The following TTLL5 variants were observed in gnomAD, a reference collection of about 807,000 sequenced individuals.
TTLL5 encodes the protein tubulin polyglutamylase TTLL5.
A neutral mutation model predicts 168.4 loss-of-function variants in TTLL5; 132 were observed. That is an observed-to-expected ratio of 0.78 (90% CI 0.68 to 0.91). TTLL5 has a LOEUF of 0.91. TTLL5 is among the 40% of genes least tolerant of loss of function. The pLI is 0.00. For synonymous variants in TTLL5, 546 were observed against 558.6 expected, an observed-to-expected ratio of 0.98 and a Z score of 0.32; for missense variants, 1,545 against 1,581.5, an observed-to-expected ratio of 0.98 and a Z score of 0.39.
intron 18 of TTLL5, among the ~76,000 whole-genome samples, chr14:75,754,966 TA>T (rs1002109038): frequency 6.6e-6 from 1 of 151,718 alleles, no homozygotes; most frequent in Non-Finnish European, 1.5e-5. Flanking sequence ...AAACTTTGAT[TA>T]AAAAAAACAT....
At chr14:75,695,739 A>G (rs1202179263) in intron 6 of TTLL5, among the ~76,000 whole-genome samples, 1 of 151,998 alleles carries the variant, frequency 6.6e-6, no homozygotes, top group South Asian at 2.1e-4. Context: ...AACTTCTGAT[A>G]AGCCTAGTTC....
At chr14:75,785,475 G>A (rs963128395) in intron 26 of TTLL5, among the ~76,000 whole-genome samples, 12 of 152,040 alleles carry the variant, frequency 7.9e-5, no homozygotes, top group Non-Finnish European at 1.5e-5. Context: ...CACTGCGCCC[G>A]GCCCCTCCTA....
At chr14:75,826,030 A>G (rs150995577) in intron 28 of TTLL5, among the ~76,000 whole-genome samples, 196 of 151,906 alleles carry the variant, frequency 1.3e-3, no homozygotes, top group African/African-American at 4.6e-3. Flanking sequence ...TAATAAAGGA[A>G]CGTTGGGAAG....
At chr14:75,899,259 A>G (rs1276473034) in intron 30 of TTLL5, among the ~76,000 whole-genome samples, 3 of 152,168 alleles carry the variant, frequency 2.0e-5, no homozygotes, top group African/African-American at 2.4e-5. Flanking sequence ...ACACATACAT[A>G]CCTCCCAACG....
chr14:75,709,471 A>G, intron 9 of TTLL5: 2 of 396,884 alleles, frequency 5.0e-6, no homozygotes, highest in East Asian at 8.6e-5. Flanking sequence ...AGCCCTGGGA[A>G]CATTGGAGAC....
intron 12 of TTLL5, among the ~76,000 whole-genome samples, chr14:75,731,370 T>TACACACACACACAC (rs1217242558): frequency 1.3e-4 from 10 of 78,572 alleles, no homozygotes; most frequent in African/African-American, 4.8e-4. Flanking sequence ...AATATACACA[T>TACACACACACACAC]ACATACACAC....
In TTLL5 at chr14:75,679,070, T is replaced by C. The variant is rs79498335; in HGVS notation, c.182-2475T>C. Among the ~76,000 whole-genome samples the C allele has an allele frequency of 3.5e-3, 538 of 152,348 alleles. 4 individuals are homozygous for C. Among genetic ancestry groups the C allele is most frequent in the Non-Finnish European group, 5.8e-3 (394 of 68,026 alleles). ...TTCTCTTGTGTGGTAGGCAGAATAATGGTCCCTTAAAGATGTCTACCTTCT... is the reference window on the plus strand; with the variant it reads ...TTCTCTTGTGTGGTAGGCAGAATAACGGTCCCTTAAAGATGTCTACCTTCT... On this transcript the variant is annotated intron_variant, in intron 3 of 31. Transcript: ENST00000298832.
chr14:75,663,024 C>G, intron 1 of TTLL5, 31 bp from the exon 2 acceptor site: 1 of 777,516 alleles, frequency 1.3e-6, no homozygotes, highest in Non-Finnish European at 2.3e-6. Flanking sequence ...TGTTTCAGGT[C>G]AATTGATCCA....
rs536761960 is a variant in TTLL5 at position 75,672,632 on chromosome 14, G to A, written c.181+3110G>A. On this transcript the variant is annotated intron_variant, in intron 3 of 31. Coordinates refer to ENST00000298832, the MANE Select transcript of TTLL5 (RefSeq NM_015072.5). ...TCTTCTGATGCCTTTGTCTGGCTTT[G>A]GTATCAGGGTAATGCTGGCCTCATA... 3.0e-4 allele frequency among the ~76,000 whole-genome samples: 46 copies of A among 152,258 alleles called. 1 individual carries two copies. In the East Asian group the frequency reaches 8.7e-3, roughly 29 times the overall value.
chr14:75,678,069 T>G (rs907277910), intron 3 of TTLL5, among the ~76,000 whole-genome samples: 19 of 152,352 alleles, frequency 1.2e-4, no homozygotes, highest in Admixed American at 2.6e-4. Context: ...GGTTCAGTCC[T>G]TATTTCTAGC....
chr14:75,705,183 A>G lies in TTLL5; in HGVS notation c.586-1835A>G, dbSNP rs371361762. 1.6e-3 allele frequency among the ~76,000 whole-genome samples: 251 copies of G among 152,362 alleles called. 2 individuals are homozygous for G. Among genetic ancestry groups the G allele is most frequent in the African/African-American group, 5.7e-3 (238 of 41,592 alleles). ...GGAAATGGTATGGATGATGAAGTTC[A>G]TTAGGGATGAATCAGTAATGATGTC... On this transcript the variant is annotated intron_variant, in intron 7 of 31. Coordinates refer to ENST00000298832, the MANE Select transcript of TTLL5 (RefSeq NM_015072.5).
chr14:75,681,596 G>A lies in TTLL5; in HGVS notation c.233G>A (p.Arg78His), dbSNP rs750217504. ...GTACGAACGGACAGTCGCCTAGTAC[G>A]CAGCATTCTGACAGCCCATGGATTT... ...KIVRTDSRLVRSILTAHGFHE... is the reference protein window; with the variant it reads ...KIVRTDSRLVHSILTAHGFHE... The change falls in exon 4 of 32, where the codon CGC (arginine) becomes CAC (histidine). Residue 78 changes from arginine (R) to histidine (H), a missense_variant. By Grantham distance (29) the Arg-to-His change is conservative. Transcript: ENST00000298832. 2.4e-5 allele frequency: 38 copies of A among 1,613,192 alleles called. No homozygotes were observed. Among genetic ancestry groups the A allele is most frequent in the African/African-American group, 1.7e-4 (13 of 74,878 alleles).
chr14:75,719,851 T>C, intron 11 of TTLL5, 25 bp downstream of exon 11: 1 of 1,600,652 alleles, frequency 6.2e-7, no homozygotes. Flanking sequence ...TTTTTCCTTC[T>C]TGACTTCTCT....
intron 28 of TTLL5, among the ~76,000 whole-genome samples, chr14:75,853,224 C>T (rs1361945800): frequency 6.6e-6 from 1 of 152,242 alleles, no homozygotes; most frequent in East Asian, 1.9e-4. Flanking sequence ...TTTCTCACTT[C>T]TTCAGACCTT....
rs151284904 is a variant in TTLL5, at chr14:75,782,556, A to G, written c.2585A>G (p.His862Arg). The change falls in exon 25 of 32, where the codon CAT becomes CGT. Residue 862 changes from histidine to arginine, a missense_variant. Physicochemically the swap from His to Arg is conservative, Grantham distance 29 (BLOSUM62 0). Coordinates refer to ENST00000298832, the MANE Select transcript of TTLL5 (RefSeq NM_015072.5). The part of the protein sequence containing the change: ...PPKQQQTTEI[H>R]SDKLSRFTTS... ...AAACAGCAACAGACGACAGAAATTCATTCTGATAAATTATCTCGTGAGTGA... is the reference window on the plus strand; with the variant it reads ...AAACAGCAACAGACGACAGAAATTCGTTCTGATAAATTATCTCGTGAGTGA... 7 of 1,613,732 alleles carry G rather than the reference A, an allele frequency of 4.3e-6. No homozygotes were observed. The highest frequency in any genetic ancestry group is 5.9e-6 in the Non-Finnish European group (7 of 1,179,890).
At chr14:75,785,121 T>A (rs1344882489) in intron 26 of TTLL5, among the ~76,000 whole-genome samples, 2 of 152,082 alleles carry the variant, frequency 1.3e-5, no homozygotes, top group Non-Finnish European at 2.9e-5. Flanking sequence ...CACTTGTGCT[T>A]TTGGTATCAT....
chr14:75,676,778 T>C (rs972755090), intron 3 of TTLL5, among the ~76,000 whole-genome samples: 8 of 151,044 alleles, frequency 5.3e-5, no homozygotes, highest in Admixed American at 3.9e-4. Context: ...CTTTTTTTTT[T>C]TTTTTTTTCT....
chr14:75,847,584 G>A (rs1233702983), intron 28 of TTLL5: 1 of 151,998 alleles, frequency 6.6e-6, no homozygotes, highest in African/African-American at 2.4e-5. Flanking sequence ...ATGATTCAGT[G>A]CTCACAGCTG....
rs923022338 is a variant in TTLL5, at chr14:75,764,516, G to T, written c.1551-99G>T. On this transcript the variant is annotated intron_variant, in intron 18 of 31. Coordinates refer to ENST00000298832, the MANE Select transcript of TTLL5 (RefSeq NM_015072.5). Reference sequence around the variant, plus strand: ...TTTTAGAATTCACTTGAGTTACCATGTCCAGTATGTCAGCATTATGGAATT... The same window carrying T: ...TTTTAGAATTCACTTGAGTTACCATTTCCAGTATGTCAGCATTATGGAATT... 4 of 1,389,004 alleles carry T rather than the reference G, an allele frequency of 2.9e-6. No individual in the cohort carries two copies. In the Admixed American group the frequency reaches 5.7e-5, roughly 20 times the overall value. 86.0% of individuals were successfully genotyped at this position (1,389,004 alleles called of 1,614,324 possible).
Sources: gnomAD v4.1 joint callset for allele counts (sites outside exome capture counted in the v4.1 genomes callset) on GRCh38, gnomAD v4.1.1 for gene constraint, MANE v1.5 for transcripts, NCBI Gene and HGNC (gene_info 2026-07-23, HGNC 2026-07-21) for gene names.